SRC: variants seen among roughly 807,000 people sequenced by gnomAD.
The protein encoded by SRC is SRC proto-oncogene, non-receptor tyrosine kinase, also known as proto-oncogene tyrosine-protein kinase Src.
Under a neutral mutation model 62.9 loss-of-function variants are expected in SRC, and 13 were observed. The observed-to-expected ratio is 0.21, with a 90% CI of 0.13 to 0.33. SRC has a LOEUF of 0.33. Among genes scored for constraint, SRC ranks in the 10% least tolerant of loss-of-function variants. The pLI is 1.00. For missense variants in SRC, 457 were observed against 737.3 expected, an observed-to-expected ratio of 0.62 and a Z score of 4.40; for synonymous variants, 302 against 317.5, an observed-to-expected ratio of 0.95 and a Z score of 0.52.
chr20:37,393,304 G>A (rs2070583692), intron 5 of SRC, among the ~76,000 whole-genome samples: 1 of 152,210 alleles, frequency 6.6e-6, no homozygotes, highest in South Asian at 2.1e-4. Context: ...CCGTGATTTG[G>A]GACAGAGGCA....
At chr20:37,379,852 C>T (rs1432035926) in intron 2 of SRC, among the ~76,000 whole-genome samples, 25 of 142,032 alleles carry the variant, frequency 1.8e-4, no homozygotes, top group African/African-American at 5.5e-4. Context: ...GCCGAGATCG[C>T]GCCACTGCAC....
At chr20:37,387,403 C>G (rs978041179) in intron 5 of SRC, among the ~76,000 whole-genome samples, 1 of 151,954 alleles carries the variant, frequency 6.6e-6, no homozygotes, top group Admixed American at 6.6e-5. Context: ...CTGAAGTGAT[C>G]GGGGAGGGGG....
chr20:37,390,227 C>T (rs753335997), intron 5 of SRC, among the ~76,000 whole-genome samples: 3 of 152,054 alleles, frequency 2.0e-5, no homozygotes, highest in South Asian at 2.1e-4. Flanking sequence ...AGGGTACTTG[C>T]CCAAGATCAC....
intron 1 of SRC, among the ~76,000 whole-genome samples, chr20:37,354,818 G>A (rs1205312888): frequency 6.6e-6 from 1 of 152,194 alleles, no homozygotes; most frequent in African/African-American, 2.4e-5. Flanking sequence ...CCCGGGTGGT[G>A]GCTTCTCTTT....
chr20:37,390,232 G>A (rs988479058), intron 5 of SRC, among the ~76,000 whole-genome samples: 30 of 152,148 alleles, frequency 2.0e-4, no homozygotes, highest in African/African-American at 6.3e-4. Context: ...ACTTGCCCAA[G>A]ATCACACAGC....
In SRC at chr20:37,384,288, C is replaced by A. The variant is rs2070411669; in HGVS notation, c.135C>A (p.Asp45Glu). 4 of 1,496,652 alleles carry A rather than the reference C, an allele frequency of 2.7e-6. No individual in the cohort carries two copies. The South Asian group carries it at 3.8e-5, about 14-fold the overall frequency. The allele number at this position is 1,496,652 out of a possible 1,614,324, so 92.7% of individuals were successfully genotyped here. A position where few individuals can be genotyped will look rare whatever the true frequency, so the allele number is the denominator to read the frequency against. The change falls in exon 4 of 14, where the codon GAC becomes GAA. Residue 45 changes from aspartate (D) to glutamate (E), a missense_variant. Asp to Glu is a conservative substitution (Grantham distance 45). Around this residue, in one of 4 missense-constraint regions of SRC, gnomAD observed 132 missense variants for 135.4 expected, o/e 0.98. Transcript: ENST00000373578. The surrounding 1 kb of genome is among the most constrained non-coding windows in gnomAD (Gnocchi z 6.7). ...CCCCCAGCAAGCCAGCCTCGGCCGA[C>A]GGCCACCGCGGCCCCAGCGCGGCCT... ...SQTPSKPASA[D>E]GHRGPSAAFA...
chr20:37,402,680 A>G lies in SRC; in HGVS notation c.1271-69A>G. On this transcript the variant is annotated intron_variant, in intron 12 of 13. Transcript: ENST00000373578. The surrounding 1 kb of genome is among the most constrained non-coding windows in gnomAD (Gnocchi z 6.2). ...GTTTTTTCCTCAGCTGTCATTCCTC[A>G]TGGTGCTTATCTAGCAGAGCGGTCA... 2 of 1,573,012 alleles carry G rather than the reference A, an allele frequency of 1.3e-6. No homozygotes were observed. Among genetic ancestry groups the G allele is most frequent in the Admixed American group, 1.8e-5 (1 of 56,242 alleles).
intron 1 of SRC, among the ~76,000 whole-genome samples, chr20:37,359,433 G>GCGGGTGGGCCTGCTGGTGGGCT (rs1222887114): frequency 6.6e-6 from 1 of 152,246 alleles, no homozygotes; most frequent in Non-Finnish European, 1.5e-5. Flanking sequence ...ATGCAGGGAA[G>GCGGGTGGGCCTGCTGGTGGGCT]CGGGTGGGCC....
At position 37,396,318 on chromosome 20, in the gene SRC, C is replaced by A. The variant is rs1204424141; in HGVS notation, c.703+7C>A. On this transcript the variant is annotated splice_region_variant and intron_variant, in intron 8 of 13. Coordinates refer to ENST00000373578, the MANE Select transcript of SRC (RefSeq NM_198291.3). This position sits in a 1 kb window ranked among gnomAD's most constrained non-coding sequence, Gnocchi z 6.1. Reference sequence around the variant, plus strand: ...CTGGTGGCCTACTACTCCAGTGAGCCAGCCTCGGAGGGCGGAGGGCGGGCG... The same window carrying A: ...CTGGTGGCCTACTACTCCAGTGAGCAAGCCTCGGAGGGCGGAGGGCGGGCG... 3 of 1,613,062 alleles carry A rather than the reference C, an allele frequency of 1.9e-6. No individual in the cohort carries two copies.
At chr20:37,358,527 A>G (rs970646102) in intron 1 of SRC, among the ~76,000 whole-genome samples, 1 of 152,026 alleles carries the variant, frequency 6.6e-6, no homozygotes, top group Non-Finnish European at 1.5e-5. Context: ...CCCAGGGCTC[A>G]CCTCTCCTTG....
At chr20:37,373,101 C>T (rs189796165) in intron 2 of SRC, among the ~76,000 whole-genome samples, 155 of 138,200 alleles carry the variant, frequency 1.1e-3, no homozygotes, top group African/African-American at 4.8e-3. Flanking sequence ...AATACATATA[C>T]ACATATATGT....
At chr20:37,366,440 G>A (rs184937565) in intron 2 of SRC, among the ~76,000 whole-genome samples, 33 of 152,256 alleles carry the variant, frequency 2.2e-4, no homozygotes, top group African/African-American at 7.7e-4. Flanking sequence ...GTAGAGTCAC[G>A]GAATTGTACA....
Position 37,384,730 on chromosome 20 carries a change from T to G in SRC, c.250+327T>G, listed in dbSNP as rs2070424280. 6.6e-6 allele frequency among the ~76,000 whole-genome samples: 1 copy of G among 151,892 alleles called. No homozygotes were observed. Among genetic ancestry groups the G allele is most frequent in the Non-Finnish European group, 1.5e-5 (1 of 67,942 alleles). On this transcript the variant is annotated intron_variant, in intron 4 of 13. Coordinates refer to ENST00000373578, the MANE Select transcript of SRC (RefSeq NM_198291.3). The surrounding 1 kb of genome is among the most constrained non-coding windows in gnomAD (Gnocchi z 6.7). The stretch of plus-strand genomic sequence containing the variant: ...GCCTTGGCGCCCAGTCCTTTTTCGT[T>G]GCCTGGGTCCGCCCAGAGATGAGTC...
At chr20:37,368,189 G>A (rs151286481) in intron 2 of SRC, among the ~76,000 whole-genome samples, 10,430 of 152,124 alleles carry the variant, frequency 0.069, 457 homozygotes, top group Non-Finnish European at 0.09. Flanking sequence ...AGGCCGAGGC[G>A]GGTGGATCAC....
intron 2 of SRC, among the ~76,000 whole-genome samples, chr20:37,374,372 CT>C (rs1402424045): frequency 1.5e-4 from 23 of 152,076 alleles, no homozygotes; most frequent in African/African-American, 3.1e-4. Flanking sequence ...GCCACTGCCC[CT>C]GGCTGATATT....
At chr20:37,399,345 C>A (rs1036333682) in intron 9 of SRC, among the ~76,000 whole-genome samples, 1 of 152,096 alleles carries the variant, frequency 6.6e-6, no homozygotes, top group East Asian at 1.9e-4. Flanking sequence ...CCAGAGGTGA[C>A]CTCTTGTTCT....
At chr20:37,389,231 C>G (rs2070507096) in intron 5 of SRC, among the ~76,000 whole-genome samples, 1 of 152,186 alleles carries the variant, frequency 6.6e-6, no homozygotes, top group Non-Finnish European at 1.5e-5. Context: ...GCTCCCTCAT[C>G]TGACATCCTA....
intron 2 of SRC, among the ~76,000 whole-genome samples, chr20:37,378,729 G>A (rs187218567): frequency 8.0e-4 from 122 of 152,290 alleles, no homozygotes; most frequent in African/African-American, 2.7e-3. Context: ...AGGCCCAGTT[G>A]TCTGTGAGGT....
chr20:37,369,822 G>C (rs1343327782), intron 2 of SRC, among the ~76,000 whole-genome samples: 4 of 150,534 alleles, frequency 2.7e-5, no homozygotes, highest in Admixed American at 2.7e-4. Context: ...TTTTTAAGAT[G>C]GGAGTCTCAC....
Sources: allele counts gnomAD v4.1 joint callset (sites outside exome capture counted in the v4.1 genomes callset), GRCh38; gene constraint gnomAD v4.1.1; regional missense constraint gnomAD v4.1.1; non-coding constraint Gnocchi (gnomAD v3.1); transcripts MANE v1.5; gene names NCBI Gene and HGNC (gene_info 2026-07-23, HGNC 2026-07-21).